Variants in PDE4D observed in about 807,000 individuals in gnomAD.
The protein encoded by PDE4D is 3',5'-cyclic-AMP phosphodiesterase 4D.
PDE4D carries 24 observed loss-of-function variants against 87.4 expected under a neutral mutation model. The observed-to-expected ratio is 0.27, with a 90% CI of 0.20 to 0.39. The LOEUF is 0.39. Among genes scored for constraint, PDE4D ranks in the 10% least tolerant of loss-of-function variants. The pLI, the probability that PDE4D is intolerant of heterozygous loss-of-function variation, is 1.00. For synonymous variants in PDE4D, 384 were observed against 383.2 expected (o/e 1.00, Z -0.02); for missense variants, 714 against 1,041.0 (o/e 0.69, Z 4.32).
intron 1 of PDE4D, among the ~76,000 whole-genome samples, chr5:60,196,169 A>G (rs1055618698): frequency 3.3e-5 from 5 of 151,758 alleles, no homozygotes; most frequent in Admixed American, 3.3e-4. Flanking sequence ...TTCACTCCCA[A>G]GGGTATGGAA....
chr5:59,091,135 GA>G, intron 5 of PDE4D: 3 of 451,288 alleles, frequency 6.6e-6, no homozygotes, highest in South Asian at 3.1e-5. Flanking sequence ...CCTGTCATTT[GA>G]AAAAAAAGAA....
intron 2 of PDE4D, among the ~76,000 whole-genome samples, chr5:60,106,057 A>C (rs1373743591): frequency 2.6e-5 from 4 of 152,120 alleles, no homozygotes; most frequent in African/African-American, 9.7e-5. Flanking sequence ...AAAGACACAG[A>C]CTGGCAAATT....
At chr5:59,381,927 G>A (rs1785949954) in intron 1 of PDE4D, among the ~76,000 whole-genome samples, 1 of 152,044 alleles carries the variant, frequency 6.6e-6, no homozygotes, top group African/African-American at 2.4e-5. Context: ...CAAAAAACTA[G>A]GGGCTTAGAA....
intron 5 of PDE4D, among the ~76,000 whole-genome samples, chr5:59,176,036 T>C (rs1783833858): frequency 6.6e-6 from 1 of 152,116 alleles, no homozygotes; most frequent in South Asian, 2.1e-4. Flanking sequence ...AAGGAGAGAC[T>C]GGGTTCACAT....
At chr5:59,641,081 C>T (rs1451950785) in intron 1 of PDE4D, among the ~76,000 whole-genome samples, 1 of 152,104 alleles carries the variant, frequency 6.6e-6, no homozygotes, top group African/African-American at 2.4e-5. Context: ...AGTTTCCCTA[C>T]TCTTGAAGGT....
At chr5:59,987,310 A>C (rs1762548351) in intron 3 of PDE4D, 1 of 152,222 alleles carries the variant, frequency 6.6e-6, no homozygotes, top group African/African-American at 2.4e-5. Flanking sequence ...TATGAGTCTG[A>C]TCAATGTGTG....
chr5:60,101,582 T>C lies in PDE4D; in HGVS notation c.42+83975A>G, dbSNP rs182777329. On this transcript the variant is annotated intron_variant, in intron 2 of 16. Transcript: ENST00000502484. ...ATTTTCTCATCTAAAAGTAAGAGAA[T>C]TTGGGTTGGAAGCTAACAAGTTTTT... 1.4e-4 allele frequency among the ~76,000 whole-genome samples: 22 copies of C among 152,206 alleles called. No homozygotes were observed. The East Asian group carries it at 2.9e-3, about 20-fold the overall frequency.
chr5:59,699,385 C>T (rs73758860), intron 1 of PDE4D, among the ~76,000 whole-genome samples: 10,905 of 152,124 alleles, frequency 0.072, 1,205 homozygotes, highest in African/African-American at 0.24. Flanking sequence ...AGCTCTCTGG[C>T]CACATCTTCC....
At chr5:59,930,142 A>G (rs1581781783) in intron 3 of PDE4D, among the ~76,000 whole-genome samples, 1 of 137,358 alleles carries the variant, frequency 7.3e-6, no homozygotes, top group African/African-American at 2.7e-5. Context: ...CAGTCTGGGC[A>G]ACAGAGCGAG....
chr5:59,106,199 G>A (rs1037845204), intron 5 of PDE4D, among the ~76,000 whole-genome samples: 10 of 152,104 alleles, frequency 6.6e-5, no homozygotes, highest in African/African-American at 2.4e-4. Flanking sequence ...AGTTCACTGA[G>A]CTTCCTTTGG....
intron 1 of PDE4D, among the ~76,000 whole-genome samples, chr5:59,365,419 C>T (rs1189597286): frequency 2.6e-5 from 4 of 152,102 alleles, no homozygotes; most frequent in Non-Finnish European, 5.9e-5. Context: ...GAGTGTGCCA[C>T]TGAACTCCAG....
At chr5:60,516,983 C>A (rs1019106702) in intron 1 of PDE4D, among the ~76,000 whole-genome samples, 1 of 152,156 alleles carries the variant, frequency 6.6e-6, no homozygotes. Flanking sequence ...GGGTGCAGAC[C>A]CAGGCATCCC....
intron 1 of PDE4D, among the ~76,000 whole-genome samples, chr5:59,554,833 A>G (rs1317938770): frequency 1.3e-5 from 2 of 152,132 alleles, no homozygotes; most frequent in African/African-American, 2.4e-5. Flanking sequence ...GATGCAGTAA[A>G]AACAGAAAAA....
At chr5:60,370,862 A>C (rs1760969618) in intron 1 of PDE4D, among the ~76,000 whole-genome samples, 1 of 152,012 alleles carries the variant, frequency 6.6e-6, no homozygotes, top group South Asian at 2.1e-4. Flanking sequence ...AGAAACTGAG[A>C]GAGAGAAGGC....
chr5:59,033,758 A>T (rs1758013354), intron 6 of PDE4D, among the ~76,000 whole-genome samples: 1 of 152,170 alleles, frequency 6.6e-6, no homozygotes, highest in South Asian at 2.1e-4. Context: ...TTTTTTTCGA[A>T]AACGTAGACA....
At chr5:60,306,237 G>T (rs1754488136) in intron 1 of PDE4D, among the ~76,000 whole-genome samples, 1 of 151,934 alleles carries the variant, frequency 6.6e-6, no homozygotes, top group South Asian at 2.1e-4. Context: ...ATAGGCTAAA[G>T]AATAAATCCA....
At chr5:59,790,854 A>G (rs1022011061) in intron 1 of PDE4D, among the ~76,000 whole-genome samples, 3 of 152,228 alleles carry the variant, frequency 2.0e-5, no homozygotes, top group Admixed American at 2.0e-4. Context: ...GTGTCCTGTT[A>G]AACCCAGGTT....
At chr5:59,945,242 T>C (rs952211779) in intron 3 of PDE4D, among the ~76,000 whole-genome samples, 10 of 152,242 alleles carry the variant, frequency 6.6e-5, no homozygotes, top group African/African-American at 2.4e-4. Context: ...CAAACTCTTC[T>C]ACCACTTTGA....
chr5:59,711,884 A>C (rs1754250311), intron 1 of PDE4D, among the ~76,000 whole-genome samples: 1 of 152,160 alleles, frequency 6.6e-6, no homozygotes, highest in Admixed American at 6.5e-5. Flanking sequence ...TGGTAAGGAA[A>C]GGGAAACAGC....
Sources: gnomAD v4.1 joint callset for allele counts (sites outside exome capture counted in the v4.1 genomes callset) on GRCh38, gnomAD v4.1.1 for gene constraint, MANE v1.5 for transcripts, NCBI Gene and HGNC (gene_info 2026-07-23, HGNC 2026-07-21) for gene names.